The following GPD2 variants were observed in gnomAD, a reference collection of about 807,000 sequenced individuals.
The protein encoded by GPD2 is glycerol-3-phosphate dehydrogenase 2.
Under a neutral mutation model 82.4 loss-of-function variants are expected in GPD2, and 54 were observed. The observed-to-expected ratio is 0.66, with a 90% CI of 0.53 to 0.82. The LOEUF is 0.82. Among genes scored for constraint, GPD2 ranks in the 40% least tolerant of loss-of-function variants. The pLI, the probability that GPD2 is intolerant of heterozygous loss-of-function variation, is 0.00. For missense variants in GPD2, 748 were observed against 896.2 expected (o/e 0.83, Z 2.11); for synonymous variants, 288 against 306.1 (o/e 0.94, Z 0.62).
At chr2:156,557,325 G>C in intron 8 of GPD2, 64 bp from the exon 9 acceptor site, 1 of 981,166 alleles carries the variant, frequency 1.0e-6, no homozygotes, top group Admixed American at 1.9e-5. Flanking sequence ...ATAGTTTTTC[G>C]AATGCAGATT....
intron 1 of GPD2, among the ~76,000 whole-genome samples, chr2:156,452,917 G>GA (rs1682665849): frequency 6.6e-6 from 1 of 152,170 alleles, no homozygotes; most frequent in Non-Finnish European, 1.5e-5. Flanking sequence ...TTTGGGTGGT[G>GA]GGAAGATGAA....
rs1358172279 is a variant in GPD2 at position 156,571,273 on chromosome 2, G to T, written c.1748G>T (p.Trp583Leu). Residue 583 changes from tryptophan (W) to leucine (L), a missense_variant, in exon 13 of 17, where the codon TGG (tryptophan) becomes TTG (leucine). Transcript: ENST00000438166. ...GAACTGATGGGCAGGGAACTGAATT[G>T]GGATGATTATAAGAAGCAGGTATTA... ...IVELMGRELNWDDYKKQEQLE... is the reference protein window; with the variant it reads ...IVELMGRELNLDDYKKQEQLE... The T allele has an allele frequency of 6.2e-7, 1 of 1,606,056 alleles. No individual in the cohort carries two copies. Among genetic ancestry groups the T allele is most frequent in the African/African-American group, 1.3e-5 (1 of 74,606 alleles).
intron 6 of GPD2, among the ~76,000 whole-genome samples, chr2:156,518,190 A>C (rs1475522206): frequency 6.6e-6 from 1 of 152,214 alleles, no homozygotes. Flanking sequence ...AGCTCGTGAG[A>C]GAGCAAAGCC....
At position 156,541,660 on chromosome 2, in the gene GPD2, A is replaced by T. The variant is rs113106979; in HGVS notation, c.662-7948A>T. On this transcript the variant is annotated intron_variant, in intron 6 of 16. Transcript: ENST00000438166. ...TTTATCAATGAATTTAGTGCATTTC[A>T]CAAACAAGGAAGCTTACCAGGGGTT... Among the ~76,000 whole-genome samples, 885 of 152,242 alleles carry T rather than the reference A, an allele frequency of 5.8e-3. 6 individuals are homozygous for T. The highest frequency in any genetic ancestry group is 0.014 in the Middle Eastern group (4 of 294).
At chr2:156,512,695 C>G (rs1685046165) in intron 5 of GPD2, among the ~76,000 whole-genome samples, 1 of 152,126 alleles carries the variant, frequency 6.6e-6, no homozygotes, top group South Asian at 2.1e-4. Flanking sequence ...TACCACATAC[C>G]ACTTGAAACC....
At chr2:156,472,454 G>A (rs1683366626) in intron 1 of GPD2, among the ~76,000 whole-genome samples, 1 of 152,060 alleles carries the variant, frequency 6.6e-6, no homozygotes, top group Non-Finnish European at 1.5e-5. Flanking sequence ...CCGAGTAGCT[G>A]GGATTACAGG....
chr2:156,575,227 A>G (rs535076822), intron 13 of GPD2, among the ~76,000 whole-genome samples: 3 of 152,296 alleles, frequency 2.0e-5, no homozygotes, highest in Admixed American at 1.3e-4. Flanking sequence ...AGAGAAAAAT[A>G]TAGTTTGCAA....
At chr2:156,411,217 C>G in the GPD2 span, among the ~76,000 whole-genome samples, 1 of 152,222 alleles carries the variant, frequency 6.6e-6, no homozygotes, top group East Asian at 1.9e-4. Context: ...GACTCTAGAG[C>G]TTATGTTCTT....
chr2:156,423,373 A>G, the GPD2 span, among the ~76,000 whole-genome samples: 12 of 152,112 alleles, frequency 7.9e-5, no homozygotes, highest in Admixed American at 1.3e-4. Context: ...CCTCTTTTGT[A>G]TATATATTTT....
At chr2:156,500,175 G>A (rs1684537349) in intron 3 of GPD2, among the ~76,000 whole-genome samples, 1 of 152,044 alleles carries the variant, frequency 6.6e-6, no homozygotes, top group Non-Finnish European at 1.5e-5. Flanking sequence ...ATTAATTGTG[G>A]TCTTAAAATA....
intron 12 of GPD2, 109 bp downstream of exon 12, chr2:156,570,327 C>A: frequency 1.1e-6 from 1 of 923,998 alleles, no homozygotes; most frequent in Non-Finnish European, 1.8e-6. Flanking sequence ...GCACATATGT[C>A]AGCTAAAACC....
chr2:156,452,301 C>T (rs540662418), intron 1 of GPD2, among the ~76,000 whole-genome samples: 5 of 152,370 alleles, frequency 3.3e-5, no homozygotes, highest in Admixed American at 6.5e-5. Flanking sequence ...TCTGCAATCC[C>T]GGCACCTCTG....
intron 9 of GPD2, among the ~76,000 whole-genome samples, chr2:156,562,801 T>C (rs1687225087): frequency 5.3e-5 from 8 of 152,244 alleles, no homozygotes; most frequent in Admixed American, 2.6e-4. Context: ...TTTCTATTTA[T>C]ATTTTACCCT....
At chr2:156,512,398 A>G (rs1007780478) in intron 5 of GPD2, 81 bp downstream of exon 5, 5 of 782,600 alleles carry the variant, frequency 6.4e-6, no homozygotes, top group East Asian at 4.9e-5. Flanking sequence ...TAATCCCTCA[A>G]TGCATATTTC....
intron 5 of GPD2, among the ~76,000 whole-genome samples, chr2:156,512,943 T>C (rs1685056821): frequency 6.6e-6 from 1 of 152,186 alleles, no homozygotes; most frequent in African/African-American, 2.4e-5. Flanking sequence ...TCCTTCATCA[T>C]AGATCGCTTA....
intron 2 of GPD2, among the ~76,000 whole-genome samples, chr2:156,479,853 G>C (rs1010543880): frequency 1.6e-4 from 24 of 152,194 alleles, no homozygotes; most frequent in African/African-American, 5.3e-4. Flanking sequence ...GCAGGTGACA[G>C]TTTCCACAAA....
chr2:156,431,073 C>G (rs142119552), upstream of GPD2, among the ~76,000 whole-genome samples: 3 of 152,340 alleles, frequency 2.0e-5, no homozygotes, highest in East Asian at 5.8e-4. Context: ...AAAGGGAAAG[C>G]TTTTCAGATT....
chr2:156,522,527 C>T (rs775587856), intron 6 of GPD2, among the ~76,000 whole-genome samples: 8 of 152,140 alleles, frequency 5.3e-5, no homozygotes, highest in Non-Finnish European at 7.4e-5. Flanking sequence ...AATCTTTGTC[C>T]ACTCTTCTCT....
intron 3 of GPD2, among the ~76,000 whole-genome samples, chr2:156,500,544 C>T (rs1277665311): frequency 6.6e-6 from 1 of 152,132 alleles, no homozygotes; most frequent in Non-Finnish European, 1.5e-5. Flanking sequence ...ATCCATTAAT[C>T]TTTAGTCACA....
Sources: gnomAD v4.1 joint callset for allele counts (sites outside exome capture counted in the v4.1 genomes callset) on GRCh38, gnomAD v4.1.1 for gene constraint, MANE v1.5 for transcripts, NCBI Gene and HGNC (gene_info 2026-07-23, HGNC 2026-07-21) for gene names.